The following AK6 variants were observed in gnomAD, a reference collection of about 807,000 sequenced individuals.
AK6 encodes adenylate kinase isoenzyme 6.
Under a neutral mutation model 23.7 loss-of-function variants are expected in AK6, and 24 were observed. That is an observed-to-expected ratio of 1.01 (90% CI 0.73 to 1.43). The LOEUF is 1.43. AK6 is among the 40% of genes most tolerant of loss of function. The probability of loss-of-function intolerance (pLI) is 0.00; values close to 1 mark genes in which losing one functional copy is unlikely to be tolerated. For synonymous variants in AK6, 73 were observed against 69.8 expected, an observed-to-expected ratio of 1.05 and a Z score of -0.23; for missense variants, 191 against 199.1, an observed-to-expected ratio of 0.96 and a Z score of 0.24.
At chr5:69,359,380 G>A (rs1418224906) in intron 2 of AK6, among the ~76,000 whole-genome samples, 2 of 152,106 alleles carry the variant, frequency 1.3e-5, no homozygotes, top group Non-Finnish European at 2.9e-5. Flanking sequence ...AAGTAGCTGG[G>A]ATTACGGGTG....
chr5:69,361,968 CCTT>C (rs1335795814), intron 2 of AK6, among the ~76,000 whole-genome samples: 22 of 144,470 alleles, frequency 1.5e-4, no homozygotes, highest in African/African-American at 5.1e-4. Flanking sequence ...AACTTGATTC[CCTT>C]TTTTTTTTTT....
chr5:69,367,677 C>T (rs1034021051), intron 1 of AK6, among the ~76,000 whole-genome samples: 34 of 152,042 alleles, frequency 2.2e-4, no homozygotes, highest in African/African-American at 8.0e-4. Flanking sequence ...CTCAGCCTGT[C>T]CGGTAGCTAG....
At chr5:69,360,811 T>C (rs937764204) in intron 2 of AK6, among the ~76,000 whole-genome samples, 1 of 152,192 alleles carries the variant, frequency 6.6e-6, no homozygotes, top group African/African-American at 2.4e-5. Flanking sequence ...AGGTAATACC[T>C]TACGCTTTGC....
At chr5:69,364,032 G>C (rs1471466184) in intron 2 of AK6, among the ~76,000 whole-genome samples, 1 of 152,140 alleles carries the variant, frequency 6.6e-6, no homozygotes, top group Non-Finnish European at 1.5e-5. Flanking sequence ...AGGTTGCAGT[G>C]AGCTGAGATT....
intron 2 of AK6, among the ~76,000 whole-genome samples, chr5:69,363,807 G>T (rs1044600346): frequency 2.0e-5 from 3 of 151,830 alleles, no homozygotes; most frequent in East Asian, 1.9e-4. Context: ...AAAAGGAAAG[G>T]CCAGGTGAGG....
chr5:69,355,998 C>G (rs1163692308), intron 2 of AK6, 45 bp from the exon 3 acceptor site: 2 of 1,510,416 alleles, frequency 1.3e-6, no homozygotes, highest in Non-Finnish European at 1.8e-6. Context: ...TTCTAAGTAA[C>G]TTTAAGTAAT....
rs768063459 is a variant in AK6 at position 69,355,665 on chromosome 5, C to T, written c.310G>A (p.Glu104Lys). 6.2e-6 allele frequency: 10 copies of T among 1,604,552 alleles called. No homozygotes were observed. Among genetic ancestry groups the T allele is most frequent in the Admixed American group, 3.5e-5 (2 of 57,906 alleles). ...VLRTDTNVLY[E>K]RLETRGYNEK... ...CTTTCTTACCTTGTTTCAAGTCTTTCGTACAATACATTGGTATCTGTTCTC... is the reference window on the plus strand; with the variant it reads ...CTTTCTTACCTTGTTTCAAGTCTTTTGTACAATACATTGGTATCTGTTCTC... The change falls in exon 4 of 5, where the codon GAA (glutamate) becomes AAA (lysine). Residue 104 changes from glutamate to lysine, a missense_variant. Transcript: ENST00000380822.
intron 4 of AK6, among the ~76,000 whole-genome samples, chr5:69,354,913 C>T (rs1206310894): frequency 6.6e-6 from 1 of 152,172 alleles, no homozygotes; most frequent in African/African-American, 2.4e-5. Flanking sequence ...GCAAGCTCCA[C>T]CTCCCAGGTT....
At chr5:69,367,384 C>T (rs1272703495) in intron 1 of AK6, among the ~76,000 whole-genome samples, 1 of 151,502 alleles carries the variant, frequency 6.6e-6, no homozygotes, top group Non-Finnish European at 1.5e-5. Context: ...GTGGCGCGTG[C>T]CTGTAATCCC....
At chr5:69,355,497 C>G in intron 4 of AK6, 152 bp downstream of exon 4, 2 of 789,338 alleles carry the variant, frequency 2.5e-6, no homozygotes, top group Non-Finnish European at 3.9e-6. Context: ...CACCACTGCC[C>G]TCCAGCCTGG....
intron 2 of AK6, among the ~76,000 whole-genome samples, chr5:69,358,197 A>G (rs2150732239): frequency 6.6e-6 from 1 of 152,268 alleles, no homozygotes; most frequent in South Asian, 2.1e-4. Context: ...ATAAACACGG[A>G]GGTTCCTTCA....
intron 2 of AK6, among the ~76,000 whole-genome samples, chr5:69,357,252 C>G (rs909660923): frequency 2.0e-5 from 3 of 152,200 alleles, no homozygotes; most frequent in African/African-American, 7.2e-5. Flanking sequence ...ACATAAACCA[C>G]CTTTCTAGCA....
intron 1 of AK6, chr5:69,369,100 T>G: frequency 2.7e-6 from 1 of 377,042 alleles, no homozygotes; most frequent in Non-Finnish European, 4.7e-6. Flanking sequence ...CCTTACGTTA[T>G]TTCGCTAAAA....
In AK6 at chr5:69,366,766, T is replaced by C. The variant is rs576234549; in HGVS notation, c.29-171A>G. 37 of 487,532 alleles carry C rather than the reference T, an allele frequency of 7.6e-5. 1 individual carries two copies. In the South Asian group the frequency reaches 1.1e-3, roughly 14 times the overall value. The allele number at this position is 487,532 out of a possible 1,614,324, so 30.2% of individuals were successfully genotyped here. On this transcript the variant is annotated intron_variant, in intron 1 of 4. Coordinates refer to ENST00000380822, the MANE Select transcript of AK6 (RefSeq NM_016283.5). ...TCCTAATTAGCAATCATATGTAAAA[T>C]TTTTTTTTTGAGACAGAGTTTCACT...
upstream of AK6, chr5:69,369,546 G>A (rs1051156519): frequency 1.9e-5 from 31 of 1,610,362 alleles, no homozygotes; most frequent in South Asian, 2.4e-4. Context: ...GCTCTACAGG[G>A]AGGAGCCGGA....
upstream of AK6, chr5:69,369,583 G>A (rs1022546461): frequency 9.4e-6 from 15 of 1,598,542 alleles, no homozygotes; most frequent in African/African-American, 1.3e-5. Context: ...AAAAGCCCAC[G>A]GCCCCAAAGG....
At chr5:69,369,402 C>G in intron 1 of AK6, 61 bp downstream of exon 1, 1 of 1,591,316 alleles carries the variant, frequency 6.3e-7, no homozygotes, top group Non-Finnish European at 8.6e-7. Flanking sequence ...CGCCCGATGC[C>G]CAGAGCACTC....
At chr5:69,367,836 C>A (rs1174538740) in intron 1 of AK6, 1 of 152,166 alleles carries the variant, frequency 6.6e-6, no homozygotes, top group African/African-American at 2.4e-5. Flanking sequence ...ATGAGCCACC[C>A]ACCTGGCCTA....
chr5:69,364,400 T>C (rs1458110465), intron 2 of AK6, among the ~76,000 whole-genome samples: 3 of 152,074 alleles, frequency 2.0e-5, no homozygotes, highest in Non-Finnish European at 4.4e-5. Context: ...GGGTCCTTAA[T>C]ATAACCAAAA....
Sources: gnomAD v4.1 joint callset for allele counts (sites outside exome capture counted in the v4.1 genomes callset) on GRCh38, gnomAD v4.1.1 for gene constraint, MANE v1.5 for transcripts, NCBI Gene and HGNC (gene_info 2026-07-23, HGNC 2026-07-21) for gene names.